The following PCDHGA3 variants were observed in gnomAD, a reference collection of about 807,000 sequenced individuals.
PCDHGA3 encodes the protein protocadherin gamma subfamily A, 3, also known as protocadherin gamma-A3.
PCDHGA3 carries 40 observed loss-of-function variants against 58.5 expected under a neutral mutation model. That is an observed-to-expected ratio of 0.68 (90% CI 0.53 to 0.89). The LOEUF is 0.89. PCDHGA3 is among the 40% of genes least tolerant of loss of function. The probability of loss-of-function intolerance (pLI) is 0.00; values close to 1 mark genes in which losing one functional copy is unlikely to be tolerated. For missense variants in PCDHGA3, 1,223 were observed against 1,195.9 expected (o/e 1.02, Z -0.33); for synonymous variants, 530 against 525.7 (o/e 1.01, Z -0.11).
intron 1 of PCDHGA3, chr5:141,388,833 T>G (rs761698912): frequency 6.2e-7 from 1 of 1,613,838 alleles, no homozygotes; most frequent in Non-Finnish European, 8.5e-7. Context: ...TTCCATAGTT[T>G]TGGAAGCAAG....
At chr5:141,441,404 C>T (rs1231257776) in intron 1 of PCDHGA3, 1 of 155,262 alleles carries the variant, frequency 6.4e-6, no homozygotes, top group Admixed American at 6.5e-5. Context: ...ATCAGCATCA[C>T]TGCCACTGAC....
intron 1 of PCDHGA3, among the ~76,000 whole-genome samples, chr5:141,348,150 C>T (rs1758074926): frequency 6.6e-6 from 1 of 152,096 alleles, no homozygotes; most frequent in Admixed American, 6.5e-5. Context: ...TGAGAGTTAT[C>T]CAAAATTAGA....
chr5:141,415,761 T>TG (rs1485369884), intron 1 of PCDHGA3: 1 of 1,399,490 alleles, frequency 7.1e-7, no homozygotes, highest in Non-Finnish European at 9.3e-7. Flanking sequence ...TTTTTTTTTT[T>TG]TTTTTTTTTT....
intron 1 of PCDHGA3, chr5:141,427,469 C>A: frequency 2.0e-6 from 1 of 510,092 alleles, no homozygotes; most frequent in Non-Finnish European, 3.8e-6. Flanking sequence ...TCGAATCTTC[C>A]GCCAATAATG....
chr5:141,415,819 TA>T, intron 1 of PCDHGA3: 2 of 1,328,322 alleles, frequency 1.5e-6, no homozygotes, highest in African/African-American at 1.5e-5. Context: ...CTATATATCA[TA>T]AGGCTTTGTT....
chr5:141,384,726 T>C (rs1561604051), intron 1 of PCDHGA3: 3 of 1,613,886 alleles, frequency 1.9e-6, no homozygotes. Flanking sequence ...ACCTCCTGCT[T>C]AAGGCCAGCG....
In PCDHGA3 at chr5:141,352,436, G is replaced by A. The variant is rs1187480679; in HGVS notation, c.2424+5979G>A. On this transcript the variant is annotated intron_variant, in intron 1 of 3. Transcript: ENST00000253812. ...CGACACTGAGGGCTGCTTTCAAACCGGTCTCTGCTCCAAGTCTGGGCCCGG... is the reference window on the plus strand; with the variant it reads ...CGACACTGAGGGCTGCTTTCAAACCAGTCTCTGCTCCAAGTCTGGGCCCGG... The A allele has an allele frequency of 3.1e-6, 5 of 1,613,880 alleles. No individual in the cohort carries two copies. Among genetic ancestry groups the A allele is most frequent in the Admixed American group, 1.7e-5 (1 of 60,008 alleles).
At chr5:141,372,777 GA>G in intron 1 of PCDHGA3, 1 of 1,609,460 alleles carries the variant, frequency 6.2e-7, no homozygotes, top group East Asian at 2.2e-5. Flanking sequence ...TGACAATCCA[GA>G]AATGCCTTCT....
intron 1 of PCDHGA3, chr5:141,413,902 G>A: frequency 1.9e-6 from 3 of 1,613,252 alleles, no homozygotes; most frequent in East Asian, 2.2e-5. Flanking sequence ...AAATGACAAC[G>A]CGCCGGTCTT....
chr5:141,494,185 GAC>G (rs2099752607), intron 1 of PCDHGA3, among the ~76,000 whole-genome samples: 1 of 152,154 alleles, frequency 6.6e-6, no homozygotes, highest in Non-Finnish European at 1.5e-5. Context: ...AGTGTCCCGG[GAC>G]TTGGATGCCC....
chr5:141,356,998 C>A (rs1160143660), intron 1 of PCDHGA3: 2 of 1,614,190 alleles, frequency 1.2e-6, no homozygotes, highest in Non-Finnish European at 1.7e-6. Context: ...AGACTCAGGT[C>A]AGAATGCCTG....
At chr5:141,500,278 G>A (rs1338703900) in intron 2 of PCDHGA3, among the ~76,000 whole-genome samples, 2 of 150,508 alleles carry the variant, frequency 1.3e-5, no homozygotes, top group East Asian at 2.0e-4. Context: ...GCGCAATCTC[G>A]GCTCACTGCA....
At chr5:141,370,580 T>C (rs1289069128) in intron 1 of PCDHGA3, 1 of 1,613,918 alleles carries the variant, frequency 6.2e-7, no homozygotes, top group Non-Finnish European at 8.5e-7. Context: ...GGGATTTACC[T>C]ACTAGGAACC....
chr5:141,370,764 C>T (rs2149970844), intron 1 of PCDHGA3: 2 of 1,613,908 alleles, frequency 1.2e-6, no homozygotes, highest in Non-Finnish European at 1.7e-6. Flanking sequence ...TGTGCTGATC[C>T]AGGATATTAA....
intron 1 of PCDHGA3, chr5:141,404,724 T>C: frequency 6.2e-7 from 1 of 1,613,942 alleles, no homozygotes; most frequent in Non-Finnish European, 8.5e-7. Context: ...GTGACCAAGG[T>C]GGTGGCAGTG....
At chr5:141,379,674 AC>A (rs1181796015) in intron 1 of PCDHGA3, 1 of 152,100 alleles carries the variant, frequency 6.6e-6, no homozygotes, top group Non-Finnish European at 1.5e-5. Flanking sequence ...AAAGTCATTC[AC>A]TCATGTGGAC....
chr5:141,380,499 A>G (rs1185808520), intron 1 of PCDHGA3, among the ~76,000 whole-genome samples: 4 of 152,330 alleles, frequency 2.6e-5, no homozygotes, highest in East Asian at 1.9e-4. Flanking sequence ...GTCAACAATA[A>G]TATACACTCT....
chr5:141,426,297 G>T (rs1056504791), intron 1 of PCDHGA3: 3 of 171,478 alleles, frequency 1.7e-5, no homozygotes, highest in African/African-American at 7.1e-5. Context: ...TGGGAAACAG[G>T]GTGAAGCAGA....
intron 1 of PCDHGA3, chr5:141,418,387 G>T: frequency 1.9e-6 from 3 of 1,614,002 alleles, no homozygotes; most frequent in Non-Finnish European, 2.5e-6. Flanking sequence ...GTCCTAACGA[G>T]TATTTCTCAT....
Sources: allele counts gnomAD v4.1 joint callset (sites outside exome capture counted in the v4.1 genomes callset), GRCh38; gene constraint gnomAD v4.1.1; transcripts MANE v1.5; gene names NCBI Gene and HGNC (gene_info 2026-07-23, HGNC 2026-07-21).